The following CNDP1 variants were observed in gnomAD, a reference collection of about 807,000 sequenced individuals.
CNDP1 encodes carnosine dipeptidase 1.
In CNDP1, 44 loss-of-function variants were observed where a neutral mutation model predicts 58.1. The ratio of observed to expected loss-of-function variants is 0.76; its 90% CI spans 0.60 to 0.97. The LOEUF (loss-of-function observed/expected upper bound fraction) is 0.97. CNDP1 is among the 50% of genes least tolerant of loss of function. The pLI, the probability that CNDP1 is intolerant of heterozygous loss-of-function variation, is 0.00. For synonymous variants in CNDP1, 254 were observed against 252.6 expected (o/e 1.01, Z -0.05); for missense variants, 616 against 655.1 (o/e 0.94, Z 0.65).
intron 3 of CNDP1, 105 bp downstream of exon 3, chr18:74,559,577 C>G: frequency 1.1e-6 from 1 of 934,354 alleles, no homozygotes; most frequent in African/African-American, 1.7e-5. Flanking sequence ...TCAACCACAA[C>G]CCCCCATAAC....
At chr18:74,547,839 C>T (rs769129874) in intron 1 of CNDP1, among the ~76,000 whole-genome samples, 14 of 152,182 alleles carry the variant, frequency 9.2e-5, no homozygotes, top group Non-Finnish European at 1.5e-4. Flanking sequence ...GTAAACCTCC[C>T]GCTAAGAGTT....
At chr18:74,577,195 C>T (rs1981657031) in intron 8 of CNDP1, 166 bp downstream of exon 8, 1 of 553,050 alleles carries the variant, frequency 1.8e-6, no homozygotes, top group East Asian at 3.3e-5. Flanking sequence ...TCCCCGTGGG[C>T]TGGATCAACC....
intron 1 of CNDP1, among the ~76,000 whole-genome samples, chr18:74,540,711 G>A (rs1029945380): frequency 6.6e-6 from 1 of 152,212 alleles, no homozygotes; most frequent in Non-Finnish European, 1.5e-5. Flanking sequence ...GTGAAATGCA[G>A]CTACAGTAGC....
At chr18:74,535,365 C>A (rs1025195846) in intron 1 of CNDP1, among the ~76,000 whole-genome samples, 1 of 152,112 alleles carries the variant, frequency 6.6e-6, no homozygotes, top group African/African-American at 2.4e-5. Flanking sequence ...AAGGTTGATA[C>A]GTAGAAGACT....
chr18:74,583,283 A>AG (rs1342880380), intron 10 of CNDP1, among the ~76,000 whole-genome samples: 1 of 152,214 alleles, frequency 6.6e-6, no homozygotes, highest in African/African-American at 2.4e-5. Context: ...CTGGGATTAC[A>AG]GGCATGAGCC....
At chr18:74,549,426 A>G (rs1251271781) in intron 1 of CNDP1, among the ~76,000 whole-genome samples, 1 of 152,156 alleles carries the variant, frequency 6.6e-6, no homozygotes, top group East Asian at 1.9e-4. Context: ...TTTTATTTTC[A>G]CATTGAAAAT....
At chr18:74,554,258 C>G (rs1164074652) in intron 1 of CNDP1, among the ~76,000 whole-genome samples, 2 of 152,214 alleles carry the variant, frequency 1.3e-5, no homozygotes, top group Non-Finnish European at 2.9e-5. Context: ...TGAATCCTAG[C>G]TGAAAAGTTC....
intron 1 of CNDP1, among the ~76,000 whole-genome samples, chr18:74,548,251 G>A (rs1197952279): frequency 6.6e-6 from 1 of 152,204 alleles, no homozygotes; most frequent in African/African-American, 2.4e-5. Flanking sequence ...GTTGGGGCTT[G>A]GTGGGAGGTG....
At chr18:74,568,925 G>T (rs1251285652) in intron 6 of CNDP1, among the ~76,000 whole-genome samples, 1 of 152,162 alleles carries the variant, frequency 6.6e-6, no homozygotes, top group African/African-American at 2.4e-5. Flanking sequence ...TTGTGGTGGA[G>T]AAAGTAGGGA....
chr18:74,584,515 A>G lies in CNDP1; in HGVS notation c.1477A>G (p.Thr493Ala), dbSNP rs1324331208. The change falls in exon 12 of 12, where the codon ACC (threonine) becomes GCC (alanine). Residue 493 changes from threonine (T) to alanine (A), a missense_variant. Thr to Ala is a moderately conservative substitution (Grantham distance 58). Transcript: ENST00000358821. ...TCTTAGGTGGAACTACATAGAGGGA[A>G]CCAAATTATTTGCTGCCTTTTTCTT... is the stretch of plus-strand genomic sequence containing the variant. ...KINRWNYIEG[T>A]KLFAAFFLEM... 1 of 1,613,636 alleles carries G rather than the reference A, an allele frequency of 6.2e-7. No individual in the cohort carries two copies. Among genetic ancestry groups the G allele is most frequent in the Middle Eastern group, 1.6e-4 (1 of 6,062 alleles).
intron 9 of CNDP1, 131 bp from the exon 10 acceptor site, chr18:74,579,999 C>T: frequency 1.3e-6 from 1 of 775,466 alleles, no homozygotes; most frequent in South Asian, 1.8e-5. Context: ...GTGTGTCAGG[C>T]TGGGGCTTCA....
chr18:74,538,747 C>T (rs189141987), intron 1 of CNDP1, among the ~76,000 whole-genome samples: 1 of 152,282 alleles, frequency 6.6e-6, no homozygotes, highest in East Asian at 1.9e-4. Context: ...GAAGTGGTGT[C>T]TGGTTGTGGT....
At chr18:74,575,861 G>GTGTGTA (rs1300642140) in intron 7 of CNDP1, among the ~76,000 whole-genome samples, 5 of 138,416 alleles carry the variant, frequency 3.6e-5, no homozygotes, top group Admixed American at 1.6e-4. Flanking sequence ...GTGTGTGTGT[G>GTGTGTA]TATACATTTT....
Position 74,586,716 on chromosome 18 carries a change from A to G in CNDP1, c.*2154A>G, listed in dbSNP as rs1400108190. 1 of 152,194 alleles carries G rather than the reference A, an allele frequency of 6.6e-6. No individual in the cohort carries two copies. Among genetic ancestry groups the G allele is most frequent in the East Asian group, 1.9e-4 (1 of 5,188 alleles). The allele number at this position is 152,194 out of a possible 1,614,324, so 9.4% of individuals were successfully genotyped here. On this transcript the variant is annotated 3_prime_UTR_variant, in exon 12 of 12. Transcript: ENST00000358821. ...CCATGTTTTTCTGTCACCCAGGGTCACGACTGGTCTCCCCAGCTCTTCCCT... is the reference window on the plus strand; with the variant it reads ...CCATGTTTTTCTGTCACCCAGGGTCGCGACTGGTCTCCCCAGCTCTTCCCT...
chr18:74,551,109 C>T (rs564340381), intron 1 of CNDP1, among the ~76,000 whole-genome samples: 219 of 152,136 alleles, frequency 1.4e-3, no homozygotes, highest in African/African-American at 4.9e-3. Context: ...GGCACCTCCC[C>T]GATCCCTCTT....
At chr18:74,556,604 G>C (rs1981048545) in intron 2 of CNDP1, 138 bp downstream of exon 2, 1 of 963,046 alleles carries the variant, frequency 1.0e-6, no homozygotes, top group Non-Finnish European at 1.6e-6. Context: ...TGCTCATTGG[G>C]TTAAAAATCT....
chr18:74,559,641 A>G (rs1981136762), intron 3 of CNDP1, among the ~76,000 whole-genome samples, 169 bp downstream of exon 3: 1 of 152,100 alleles, frequency 6.6e-6, no homozygotes, highest in South Asian at 2.1e-4. Flanking sequence ...AAGCCGTGTT[A>G]TTGCTTTCCA....
intron 5 of CNDP1, among the ~76,000 whole-genome samples, chr18:74,566,379 T>G (rs774186960): frequency 6.6e-6 from 1 of 152,194 alleles, no homozygotes; most frequent in Non-Finnish European, 1.5e-5. Flanking sequence ...TATCACATAG[T>G]CAGGCTGCAA....
intron 1 of CNDP1, among the ~76,000 whole-genome samples, chr18:74,552,521 G>A (rs527794906): frequency 9.8e-5 from 15 of 152,310 alleles, no homozygotes; most frequent in Middle Eastern, 3.4e-3. Flanking sequence ...ATACATGGCC[G>A]TTGTGTCTGG....
Sources: allele counts gnomAD v4.1 joint callset (sites outside exome capture counted in the v4.1 genomes callset), GRCh38; gene constraint gnomAD v4.1.1; transcripts MANE v1.5; gene names NCBI Gene and HGNC (gene_info 2026-07-23, HGNC 2026-07-21).